Variants in MROH2A observed in about 807,000 individuals in gnomAD.
The protein encoded by MROH2A is maestro heat-like repeat-containing protein family member 2A.
In MROH2A, 174 loss-of-function variants were observed where a neutral mutation model predicts 200.4. The ratio of observed to expected loss-of-function variants is 0.87; its 90% confidence interval spans 0.77 to 0.98. MROH2A has a LOEUF of 0.98. Among genes scored for constraint, MROH2A ranks in the 50% least tolerant of loss-of-function variants. The pLI is 0.00. For missense variants in MROH2A, 2,045 were observed against 2,139.6 expected (o/e 0.96, Z 0.87); for synonymous variants, 829 against 840.4 (o/e 0.99, Z 0.23).
chr2:233,809,325 T>G (rs760411848), intron 22 of MROH2A, 47 bp downstream of exon 22: 249 of 1,535,438 alleles, frequency 1.6e-4, no homozygotes, highest in Admixed American at 7.3e-4. Context: ...ACCAGGCTGG[T>G]GGGTAGTAGC....
At chr2:233,805,730 A>T (rs990835857) in intron 19 of MROH2A, among the ~76,000 whole-genome samples, 2 of 152,224 alleles carry the variant, frequency 1.3e-5, no homozygotes, top group African/African-American at 4.8e-5. Flanking sequence ...GGATAGATTG[A>T]TAAAATAGAA....
chr2:233,820,156 A>G lies in MROH2A; in HGVS notation c.3512+100A>G. The G allele has an allele frequency of 1.9e-6, 2 of 1,037,906 alleles. No homozygotes were observed. The highest frequency in any genetic ancestry group is 7.0e-5 in the Admixed American group (2 of 28,432). The allele number at this position is 1,037,906 out of a possible 1,614,324, so 64.3% of individuals were successfully genotyped here. On this transcript the variant is annotated intron_variant, in intron 31 of 41. Transcript: ENST00000389758. This position sits in a 1 kb window ranked among gnomAD's most constrained non-coding sequence, Gnocchi z 4.1. ...CCAGAAGCCTGGAGCCTTGGGCAGTACCCTGCCCCACCCTGAAGGAGGTCG... is the reference window on the plus strand; with the variant it reads ...CCAGAAGCCTGGAGCCTTGGGCAGTGCCCTGCCCCACCCTGAAGGAGGTCG...
At chr2:233,809,013 A>G in intron 21 of MROH2A, 113 bp from the exon 22 acceptor site, 1 of 1,194,800 alleles carries the variant, frequency 8.4e-7, no homozygotes, top group Middle Eastern at 2.0e-4. Context: ...CAGTCAGGTG[A>G]AGCACCGCCA....
intron 8 of MROH2A, among the ~76,000 whole-genome samples, chr2:233,795,149 A>G (rs1415320408): frequency 6.6e-6 from 1 of 152,188 alleles, no homozygotes; most frequent in Non-Finnish European, 1.5e-5. Context: ...GGCGAGCCTG[A>G]ATTTTGGAAG....
chr2:233,779,685 GT>G lies in MROH2A; in HGVS notation c.110del (p.Val37AlafsTer2). The G allele has an allele frequency of 5.8e-6, 9 of 1,551,134 alleles. No individual in the cohort carries two copies. Among genetic ancestry groups the G allele is most frequent in the Non-Finnish European group, 7.8e-6 (9 of 1,147,090 alleles). On this transcript the variant is annotated frameshift_variant, in exon 3 of 42. Coordinates refer to ENST00000389758, the MANE Select transcript of MROH2A (RefSeq NM_001394639.1). LOFTEE classifies it high-confidence loss of function. The stretch of plus-strand genomic sequence containing the variant: ...TGTTTTCATAGGTACCTTTCAACAA[GT>G]CGTGAACCTTCTGGACATCATTGAC... ...ELHDSGTFQQ[V>X]VNLLDIIDSE...
Position 233,792,737 on chromosome 2 carries a change from C to T in MROH2A, c.572-59C>T. 3 of 1,106,108 alleles carry T rather than the reference C, an allele frequency of 2.7e-6. No individual in the cohort carries two copies. In the East Asian group the frequency reaches 7.7e-5, roughly 28 times the overall value. 68.5% of individuals were successfully genotyped at this position (1,106,108 alleles called of 1,614,324 possible). On this transcript the variant is annotated intron_variant, in intron 5 of 41. Transcript: ENST00000389758. The stretch of plus-strand genomic sequence containing the variant: ...GAGGGCAGCAGGGTTGTCCTCTCTG[C>T]CTTCTCTCTGCTCACCCCCAGCCCC...
Position 233,778,802 on chromosome 2 carries a change from T to C in MROH2A, c.-15+321T>C, listed in dbSNP as rs376853472. ...ACTAAGGATATTATCTATTGCTGTG[T>C]AACAAATTATCATAAACTCAGTGGC... On this transcript the variant is annotated intron_variant, in intron 1 of 41. Coordinates refer to ENST00000389758, the MANE Select transcript of MROH2A (RefSeq NM_001394639.1). Among the ~76,000 whole-genome samples the C allele has an allele frequency of 1.8e-4, 27 of 152,372 alleles. No individual in the cohort carries two copies. In the East Asian group the frequency reaches 4.0e-3, roughly 23 times the overall value.
intron 35 of MROH2A, among the ~76,000 whole-genome samples, chr2:233,825,275 A>G (rs1463786223): frequency 6.6e-6 from 1 of 152,166 alleles, no homozygotes; most frequent in Non-Finnish European, 1.5e-5. Flanking sequence ...AAACAAAGAC[A>G]TTTTTACTTC....
In MROH2A at chr2:233,822,636, C is replaced by A. The variant is rs923826602; in HGVS notation, c.3866+80C>A. The stretch of plus-strand genomic sequence containing the variant: ...GGGCTGCCCCTTAGTTGCCAGTGGA[C>A]TCCAGTGAGGGGCCCTCTGTCTCCT... On this transcript the variant is annotated intron_variant, in intron 33 of 41. Transcript: ENST00000389758. The A allele has an allele frequency of 4.9e-6, 7 of 1,419,778 alleles. No individual in the cohort carries two copies. In the African/African-American group the frequency reaches 9.9e-5, roughly 20 times the overall value. The allele number at this position is 1,419,778 out of a possible 1,614,324, so 87.9% of individuals were successfully genotyped here. A position where few individuals can be genotyped will look rare whatever the true frequency, so the allele number is the denominator to read the frequency against.
At chr2:233,793,967 C>A in intron 7 of MROH2A, 143 bp downstream of exon 7, 1 of 821,288 alleles carries the variant, frequency 1.2e-6, no homozygotes. Context: ...CATGGCAGAG[C>A]CGGGGAACTC....
intron 3 of MROH2A, among the ~76,000 whole-genome samples, chr2:233,780,497 T>G (rs1700905327): frequency 6.6e-6 from 1 of 152,156 alleles, no homozygotes. Flanking sequence ...TGTCTTGGAG[T>G]GGGTAGCAAA....
rs543308309 is a variant in MROH2A at position 233,799,147 on chromosome 2, G to GAGGTCTTT, written c.1329+299_1329+306dup. Among the ~76,000 whole-genome samples the GAGGTCTTT allele has an allele frequency of 8.5e-5, 13 of 152,290 alleles. No homozygotes were observed. The South Asian group carries it at 2.7e-3, about 32-fold the overall frequency. On this transcript the variant is annotated intron_variant, in intron 12 of 41. Transcript: ENST00000389758. ...GTCACTTGGCTGTCAAGGGTTTTGT[G>GAGGTCTTT]AGGTCTTTATCGCATGTGAAAAAAG...
chr2:233,822,602 T>C, intron 33 of MROH2A, 46 bp downstream of exon 33: 1 of 1,528,394 alleles, frequency 6.5e-7, no homozygotes, highest in Non-Finnish European at 8.8e-7. Context: ...CTGGGCTGGC[T>C]GTAGCCACGG....
intron 27 of MROH2A, 144 bp downstream of exon 27, chr2:233,817,029 T>G: frequency 2.8e-5 from 15 of 535,766 alleles, no homozygotes; most frequent in Non-Finnish European, 3.0e-5. Flanking sequence ...AGTGACCTAG[T>G]GCCCTGGGCT....
chr2:233,816,041 A>G (rs1470327440), intron 26 of MROH2A, among the ~76,000 whole-genome samples: 1 of 152,184 alleles, frequency 6.6e-6, no homozygotes, highest in East Asian at 1.9e-4. Context: ...TTGTTCTCTG[A>G]TGACATACTT....
rs778454736 is a variant in MROH2A at position 233,822,574 on chromosome 2, G to A, written c.3866+18G>A. The A allele has an allele frequency of 4.1e-5, 64 of 1,545,918 alleles. No individual in the cohort carries two copies. Among genetic ancestry groups the A allele is most frequent in the East Asian group, 1.2e-4 (5 of 40,894 alleles). Reference sequence around the variant, plus strand: ...CTGCAAAGGTGCTCTCGAGGGCGGTGGGTGCAAGGCAGCAGGCCTGGGCTG... The same window carrying A: ...CTGCAAAGGTGCTCTCGAGGGCGGTAGGTGCAAGGCAGCAGGCCTGGGCTG... On this transcript the variant is annotated intron_variant, in intron 33 of 41. Coordinates refer to ENST00000389758, the MANE Select transcript of MROH2A (RefSeq NM_001394639.1).
intron 38 of MROH2A, 108 bp downstream of exon 38, chr2:233,829,883 A>G (rs569751865): frequency 1.8e-6 from 2 of 1,106,864 alleles, no homozygotes; most frequent in African/African-American, 3.3e-5. Context: ...TCTCTGCCTC[A>G]GTTGGTTTTC....
At chr2:233,809,306 G>A in intron 22 of MROH2A, 28 bp downstream of exon 22, 1 of 1,546,584 alleles carries the variant, frequency 6.5e-7, no homozygotes, top group Non-Finnish European at 8.7e-7. Context: ...CTGGGGGGAT[G>A]TCTTCTGGAC....
Position 233,833,315 on chromosome 2 carries a change from T to TA in MROH2A, c.*58dup. On this transcript the variant is annotated 3_prime_UTR_variant, in exon 42 of 42. Coordinates refer to ENST00000389758, the MANE Select transcript of MROH2A (RefSeq NM_001394639.1). ...CTTAGTGCCAAATGCAAGCCCTTTT[T>TA]AATTTAGTTTGTAAGAAGTTTAGTT... 1.4e-6 allele frequency: 2 copies of TA among 1,448,226 alleles called. No individual in the cohort carries two copies. Among genetic ancestry groups the TA allele is most frequent in the East Asian group, 5.2e-5 (2 of 38,456 alleles). The allele number at this position is 1,448,226 out of a possible 1,614,324, so 89.7% of individuals were successfully genotyped here.
Sources: allele counts gnomAD v4.1 joint callset (sites outside exome capture counted in the v4.1 genomes callset), GRCh38; gene constraint gnomAD v4.1.1; non-coding constraint Gnocchi (gnomAD v3.1); transcripts MANE v1.5; gene names NCBI Gene and HGNC (gene_info 2026-07-23, HGNC 2026-07-21).